The following CACNA1B variants were observed in gnomAD, a reference collection of about 807,000 sequenced individuals.
The protein encoded by CACNA1B is calcium voltage-gated channel subunit alpha1 B, also known as voltage-dependent N-type calcium channel subunit alpha-1B.
CACNA1B carries 70 observed loss-of-function variants against 247.2 expected under a neutral mutation model. The observed-to-expected ratio is 0.28, with a 90% CI of 0.23 to 0.35. The LOEUF (loss-of-function observed/expected upper bound fraction) is 0.35, where lower values mean the gene tolerates loss of function less well. Ranked by LOEUF, CACNA1B falls within the 10% of genes least tolerant of loss-of-function variation. CACNA1B has a pLI of 1.00. For missense variants in CACNA1B, 2,367 were observed against 3,197.4 expected, an observed-to-expected ratio of 0.74 and a Z score of 6.26; for synonymous variants, 1,231 against 1,294.4, an observed-to-expected ratio of 0.95 and a Z score of 1.05.
chr9:137,930,285 T>C (rs1288106935), intron 6 of CACNA1B, among the ~76,000 whole-genome samples: 1 of 152,244 alleles, frequency 6.6e-6, no homozygotes, highest in Non-Finnish European at 1.5e-5. Context: ...ATTTGATGTG[T>C]TGTCTCTTCA....
At chr9:138,022,804 G>GT (rs1160630143) in intron 18 of CACNA1B, among the ~76,000 whole-genome samples, 4 of 67,860 alleles carry the variant, frequency 5.9e-5, no homozygotes, top group Non-Finnish European at 1.1e-4. Flanking sequence ...GTGGGACACC[G>GT]TGGGGGGGGG....
intron 18 of CACNA1B, 146 bp from the exon 19 acceptor site, chr9:138,022,865 G>A (rs1008137200): frequency 2.6e-5 from 28 of 1,093,622 alleles, no homozygotes; most frequent in Middle Eastern, 6.2e-4. Flanking sequence ...CCTGATCCGC[G>A]TCCCCCGAGG....
At chr9:137,912,760 G>C (rs1957372052) in intron 3 of CACNA1B, among the ~76,000 whole-genome samples, 3 of 152,296 alleles carry the variant, frequency 2.0e-5, no homozygotes, top group Admixed American at 1.3e-4. Context: ...TCCTGCTCCT[G>C]CTCTCAGTCT....
Position 137,973,178 on chromosome 9 carries a change from A to G in CACNA1B, c.1543+1586A>G, listed in dbSNP as rs1958176412. On this transcript the variant is annotated intron_variant, in intron 11 of 46. Coordinates refer to ENST00000371372, the MANE Select transcript of CACNA1B (RefSeq NM_000718.4). The surrounding 1 kb of genome is among the most constrained non-coding windows in gnomAD (Gnocchi z 4.1). ...GGCTGGCAGTGTCCAGGCGTTGGTG[A>G]GGCCACAGGCATCCCTGACCGTAGA... 6.6e-6 allele frequency among the ~76,000 whole-genome samples: 1 copy of G among 152,076 alleles called. No individual in the cohort carries two copies. Among genetic ancestry groups the G allele is most frequent in the South Asian group, 2.1e-4 (1 of 4,810 alleles).
In CACNA1B at chr9:137,986,719, C is replaced by G; in HGVS notation, c.1902-63C>G. ...CGAGCAGGTTGAGGCCACGCTGGAG[C>G]CTGCAGGCGCTGCCTCGCTGCTGAC... On this transcript the variant is annotated intron_variant, in intron 14 of 46. Coordinates refer to ENST00000371372, the MANE Select transcript of CACNA1B (RefSeq NM_000718.4). The surrounding 1 kb of genome is among the most constrained non-coding windows in gnomAD (Gnocchi z 6.0). 6.9e-7 allele frequency: 1 copy of G among 1,441,510 alleles called. No homozygotes were observed. Among genetic ancestry groups the G allele is most frequent in the South Asian group, 1.1e-5 (1 of 87,572 alleles). The allele number at this position is 1,441,510 out of a possible 1,614,324, so 89.3% of individuals were successfully genotyped here. A position where few individuals can be genotyped will look rare whatever the true frequency, so the allele number is the denominator to read the frequency against.
Position 137,878,155 on chromosome 9 carries a change from G to C in CACNA1B, c.222G>C (p.Ser74=), listed in dbSNP as rs199860587. ...VKQNCFTVNR[S]LFVFSEDNVV... ...AGAACTGCTTCACCGTCAACCGCTC[G>C]CTCTTCGTCTTCAGCGAGGACAACG... Residue 74 remains serine, a synonymous_variant, in exon 1 of 47, where the codon TCG becomes TCC. Coordinates refer to ENST00000371372, the MANE Select transcript of CACNA1B (RefSeq NM_000718.4). The C allele has an allele frequency of 2.4e-5, 31 of 1,309,778 alleles. No homozygotes were observed. The highest frequency in any genetic ancestry group is 2.9e-5 in the Non-Finnish European group (30 of 1,023,184). The allele number at this position is 1,309,778 out of a possible 1,614,324, so 81.1% of individuals were successfully genotyped here. A position where few individuals can be genotyped will look rare whatever the true frequency, so the allele number is the denominator to read the frequency against.
chr9:137,962,971 G>T (rs1434357097), intron 10 of CACNA1B, among the ~76,000 whole-genome samples: 1 of 152,108 alleles, frequency 6.6e-6, no homozygotes, highest in Non-Finnish European at 1.5e-5. Flanking sequence ...GCCTAATATT[G>T]TTGGTAGGTT....
intron 15 of CACNA1B, among the ~76,000 whole-genome samples, chr9:138,001,152 A>G (rs944570006): frequency 6.6e-5 from 10 of 152,252 alleles, no homozygotes; most frequent in Non-Finnish European, 1.2e-4. Context: ...GGAAATTGTC[A>G]GTATAATTCC....
rs141537663 is a variant in CACNA1B, at chr9:138,011,906, G to A, written c.2161-1223G>A. Among the ~76,000 whole-genome samples, 482 of 152,300 alleles carry A rather than the reference G, an allele frequency of 3.2e-3. No homozygotes were observed. The highest frequency in any genetic ancestry group is 5.3e-3 in the Non-Finnish European group (361 of 68,012). ...TGGGTCTGGGCTTCAGGATTTTGAG[G>A]AAACAGTGGTGGCCCCAGCAGTCCA... is the stretch of plus-strand genomic sequence containing the variant. On this transcript the variant is annotated intron_variant, in intron 17 of 46. Coordinates refer to ENST00000371372, the MANE Select transcript of CACNA1B (RefSeq NM_000718.4). The surrounding 1 kb of genome is among the most constrained non-coding windows in gnomAD (Gnocchi z 4.2).
At chr9:137,967,555 C>G (rs371871153) in intron 10 of CACNA1B, among the ~76,000 whole-genome samples, 1 of 152,192 alleles carries the variant, frequency 6.6e-6, no homozygotes, top group East Asian at 1.9e-4. Context: ...TTAACTCTGT[C>G]CTGTCACTCG....
rs56043117 is a variant in CACNA1B, at chr9:138,107,218, T to TTTTATTTATTTA, written c.5428+1449_5428+1460dup. Among the ~76,000 whole-genome samples the TTTTATTTATTTA allele has an allele frequency of 5.6e-3, 757 of 135,772 alleles. 4 individuals carry two copies. Among genetic ancestry groups the TTTTATTTATTTA allele is most frequent in the Middle Eastern group, 0.011 (3 of 276 alleles). 89.1% of individuals were successfully genotyped at this position (135,772 alleles called of 152,430 possible). On this transcript the variant is annotated intron_variant, in intron 39 of 46. Transcript: ENST00000371372. ...AGCCGAAACCTTAGAAATCATCTTA[T>TTTTATTTATTTA]TTTATTTATTTATTTATTTATTTAT...
chr9:137,917,153 T>G lies in CACNA1B; in HGVS notation c.776-88T>G. On this transcript the variant is annotated intron_variant, in intron 5 of 46. Coordinates refer to ENST00000371372, the MANE Select transcript of CACNA1B (RefSeq NM_000718.4). This position sits in a 1 kb window ranked among gnomAD's most constrained non-coding sequence, Gnocchi z 5.5. ...GTGGCTGGTTCCTGCCCACCTGCTG[T>G]GAGCTCTCCAGAGCCCAGGAATCCT... The G allele has an allele frequency of 8.0e-7, 1 of 1,247,578 alleles. No homozygotes were observed. Among genetic ancestry groups the G allele is most frequent in the Non-Finnish European group, 1.1e-6 (1 of 891,644 alleles). 77.3% of individuals were successfully genotyped at this position (1,247,578 alleles called of 1,614,324 possible).
chr9:137,918,441 G>A (rs978898885), intron 6 of CACNA1B, among the ~76,000 whole-genome samples: 1 of 152,200 alleles, frequency 6.6e-6, no homozygotes, highest in Non-Finnish European at 1.5e-5. Context: ...GCGCCTGTGG[G>A]TCAGGAATCT....
chr9:138,025,835 G>A (rs1376532533), intron 20 of CACNA1B, among the ~76,000 whole-genome samples: 3 of 152,286 alleles, frequency 2.0e-5, no homozygotes, highest in South Asian at 2.1e-4. Flanking sequence ...GGCCCCTTAC[G>A]TGGTGGGGAA....
At chr9:137,939,044 TG>T (rs1250285897) in intron 6 of CACNA1B, among the ~76,000 whole-genome samples, 1 of 151,942 alleles carries the variant, frequency 6.6e-6, no homozygotes, top group Non-Finnish European at 1.5e-5. Context: ...CACTCCAGCC[TG>T]GGTGACAGAG....
intron 39 of CACNA1B, among the ~76,000 whole-genome samples, chr9:138,111,035 C>T (rs1266817881): frequency 6.6e-6 from 1 of 151,146 alleles, no homozygotes; most frequent in Non-Finnish European, 1.5e-5. Context: ...TGCCAAAATG[C>T]TTTTCAGAAT....
intron 3 of CACNA1B, among the ~76,000 whole-genome samples, chr9:137,905,243 C>T (rs955075963): frequency 3.3e-5 from 5 of 151,668 alleles, no homozygotes; most frequent in Non-Finnish European, 5.9e-5. Flanking sequence ...GTCCCAGCTA[C>T]TTGGGAGGCT....
rs749669666 is a variant in CACNA1B, at chr9:138,053,971, C to T, written c.3933C>T (p.Cys1311=). The T allele has an allele frequency of 1.2e-6, 2 of 1,613,964 alleles. No individual in the cohort carries two copies. The highest frequency in any genetic ancestry group is 1.1e-5 in the South Asian group (1 of 91,080). Residue 1311 remains cysteine (C), a synonymous_variant, in exon 26 of 47, where the codon TGC becomes TGT. Coordinates refer to ENST00000371372, the MANE Select transcript of CACNA1B (RefSeq NM_000718.4). The part of the protein sequence containing the change: ...VQLFKGKFFY[C]TDESKELERD... ...TCTTCAAAGGGAAGTTTTTCTACTG[C>T]ACAGATGAATCCAAGGAGCTGGAGA...
At position 138,059,796 on chromosome 9, in the gene CACNA1B, C is replaced by G; in HGVS notation, c.4668+59C>G. On this transcript the variant is annotated intron_variant, in intron 31 of 46. Coordinates refer to ENST00000371372, the MANE Select transcript of CACNA1B (RefSeq NM_000718.4). This position sits in a 1 kb window ranked among gnomAD's most constrained non-coding sequence, Gnocchi z 4.2. ...CCAGGTGGTTTCCTTCTAGAGCCTG[C>G]TCCCCTCAGTGCATCTCCAGGCCCT... The G allele has an allele frequency of 2.1e-6, 2 of 968,176 alleles. No individual in the cohort carries two copies. The highest frequency in any genetic ancestry group is 2.1e-4 in the Middle Eastern group (1 of 4,802). The allele number at this position is 968,176 out of a possible 1,614,324, so 60.0% of individuals were successfully genotyped here.
Sources: gnomAD v4.1 joint callset for allele counts (sites outside exome capture counted in the v4.1 genomes callset) on GRCh38, gnomAD v4.1.1 for gene constraint, Gnocchi (gnomAD v3.1) non-coding constraint, MANE v1.5 for transcripts, NCBI Gene and HGNC (gene_info 2026-07-23, HGNC 2026-07-21) for gene names.